GNG7: variants seen among roughly 807,000 people sequenced by gnomAD.
GNG7 encodes the protein G protein subunit gamma 7.
In GNG7, 1 loss-of-function variant was observed where a neutral mutation model predicts 4.0. The ratio of observed to expected loss-of-function variants is 0.25; its 90% CI spans 0.09 to 1.18. The LOEUF (loss-of-function observed/expected upper bound fraction) is 1.18, where lower values mean the gene tolerates loss of function less well. Ranked by LOEUF, GNG7 falls within the 50% of genes most tolerant of loss-of-function variation. The pLI is 0.50. For synonymous variants in GNG7, 34 were observed against 36.9 expected (o/e 0.92, Z 0.29); for missense variants, 86 against 91.9 (o/e 0.94, Z 0.26).
At chr19:2,643,352 AC>A (rs1982571465) in intron 2 of GNG7, 1 of 431,474 alleles carries the variant, frequency 2.3e-6, no homozygotes, top group Non-Finnish European at 4.6e-6. Context: ...CTCCGTCGGC[AC>A]CGGAAATGCA....
intron 3 of GNG7, among the ~76,000 whole-genome samples, chr19:2,541,920 A>T (rs1162172659): frequency 6.6e-6 from 1 of 151,744 alleles, no homozygotes; most frequent in African/African-American, 2.4e-5. Flanking sequence ...GTCTCAAGAA[A>T]ATAAAAATAA....
In GNG7 at chr19:2,617,539, G is replaced by A. The variant is rs140288741; in HGVS notation, c.-78+28685C>T. On this transcript the variant is annotated intron_variant, in intron 2 of 4. Coordinates refer to ENST00000382159, the MANE Select transcript of GNG7 (RefSeq NM_052847.3). This position sits in a 1 kb window ranked among gnomAD's most constrained non-coding sequence, Gnocchi z 4.7. ...AAAGACCTGGCCTGGGTCCCCTCCC[G>A]TGGCTCCCAGACCTCCGCTTCCAGG... is the stretch of plus-strand genomic sequence containing the variant. Among the ~76,000 whole-genome samples, 541 of 152,044 alleles carry A rather than the reference G, an allele frequency of 3.6e-3. 4 individuals are homozygous for A. Among genetic ancestry groups the A allele is most frequent in the African/African-American group, 0.012 (510 of 41,462 alleles).
At chr19:2,528,409 A>G (rs933538622) in intron 3 of GNG7, among the ~76,000 whole-genome samples, 3 of 124,726 alleles carry the variant, frequency 2.4e-5, no homozygotes, top group African/African-American at 1.3e-4. Flanking sequence ...TGTCTCTACT[A>G]AAAAAAAAAA....
chr19:2,628,535 A>G (rs1982076355), intron 2 of GNG7, among the ~76,000 whole-genome samples: 1 of 150,794 alleles, frequency 6.6e-6, no homozygotes, highest in Non-Finnish European at 1.5e-5. Context: ...GTATATATAT[A>G]TATAACATAA....
At chr19:2,593,380 A>C (rs907268169) in intron 2 of GNG7, among the ~76,000 whole-genome samples, 6 of 152,172 alleles carry the variant, frequency 3.9e-5, no homozygotes, top group African/African-American at 1.4e-4. Context: ...GTATTGAGTC[A>C]ATTTTTGTTT....
intron 2 of GNG7, among the ~76,000 whole-genome samples, chr19:2,604,991 CAATGGAAATG>C (rs1458000636): frequency 1.3e-5 from 2 of 152,150 alleles, no homozygotes; most frequent in Non-Finnish European, 2.9e-5. Context: ...TGGCTTAAAA[CAATGGAAATG>C]GATTCTCTAT....
chr19:2,517,292 C>G (rs1568228879), intron 4 of GNG7, among the ~76,000 whole-genome samples: 1 of 152,134 alleles, frequency 6.6e-6, no homozygotes, highest in Non-Finnish European at 1.5e-5. Flanking sequence ...ATTCTCCCGC[C>G]TCAGCTGGGA....
intron 3 of GNG7, among the ~76,000 whole-genome samples, chr19:2,550,617 T>A (rs2144756722): frequency 6.6e-6 from 1 of 152,234 alleles, no homozygotes; most frequent in East Asian, 1.9e-4. Flanking sequence ...GAGGGGCTTG[T>A]GCAGATGAGC....
At chr19:2,516,124 G>A (rs1462618755) in intron 4 of GNG7, among the ~76,000 whole-genome samples, 1 of 151,940 alleles carries the variant, frequency 6.6e-6, no homozygotes, top group Non-Finnish European at 1.5e-5. Context: ...GGCTGAGGCT[G>A]GAGGATTGCT....
intron 1 of GNG7, among the ~76,000 whole-genome samples, chr19:2,672,050 C>A (rs867909299): frequency 5.0e-3 from 435 of 87,154 alleles, no homozygotes; most frequent in Non-Finnish European, 5.3e-3. Flanking sequence ...GACTCCGTCT[C>A]AAAAAAAAAA....
At chr19:2,583,230 T>TCC in intron 2 of GNG7, among the ~76,000 whole-genome samples, 1 of 152,322 alleles carries the variant, frequency 6.6e-6, no homozygotes, top group South Asian at 2.1e-4. Context: ...CAAATCTCCC[T>TCC]CTGGAAAACT....
chr19:2,668,746 C>T (rs976206685), intron 1 of GNG7, among the ~76,000 whole-genome samples: 7 of 152,084 alleles, frequency 4.6e-5, no homozygotes, highest in East Asian at 1.9e-4. Flanking sequence ...GATAATATGC[C>T]GTGACATCCT....
chr19:2,617,216 C>T lies in GNG7; in HGVS notation c.-78+29008G>A, dbSNP rs906653541. 1.4e-4 allele frequency among the ~76,000 whole-genome samples: 21 copies of T among 152,160 alleles called. No homozygotes were observed. The highest frequency in any genetic ancestry group is 7.9e-4 in the Admixed American group (12 of 15,266). Reference sequence around the variant, plus strand: ...ACTCCATGCCAGGAGCATCTCCAGTCGTGACAACCACAGATGTCCCCAGAT... The same window carrying T: ...ACTCCATGCCAGGAGCATCTCCAGTTGTGACAACCACAGATGTCCCCAGAT... On this transcript the variant is annotated intron_variant, in intron 2 of 4. Coordinates refer to ENST00000382159, the MANE Select transcript of GNG7 (RefSeq NM_052847.3). This position sits in a 1 kb window ranked among gnomAD's most constrained non-coding sequence, Gnocchi z 4.7.
intron 2 of GNG7, among the ~76,000 whole-genome samples, chr19:2,602,379 G>A (rs1018950366): frequency 6.6e-6 from 1 of 152,216 alleles, no homozygotes; most frequent in Non-Finnish European, 1.5e-5. Flanking sequence ...TGGGCTGCGG[G>A]CTGCGTCCTC....
intron 1 of GNG7, among the ~76,000 whole-genome samples, chr19:2,660,124 T>C (rs1983109245): frequency 6.6e-6 from 1 of 152,174 alleles, no homozygotes; most frequent in Non-Finnish European, 1.5e-5. Flanking sequence ...TCACAGAACC[T>C]GCCATCCGTG....
chr19:2,553,743 T>C (rs1004453133), intron 3 of GNG7, among the ~76,000 whole-genome samples: 5 of 148,946 alleles, frequency 3.4e-5, no homozygotes, highest in Non-Finnish European at 7.4e-5. Context: ...TTACATGCAA[T>C]ATATTACATA....
At chr19:2,524,743 C>A (rs1978339006) in intron 3 of GNG7, among the ~76,000 whole-genome samples, 1 of 152,158 alleles carries the variant, frequency 6.6e-6, no homozygotes, top group Non-Finnish European at 1.5e-5. Context: ...TGTGTATGTG[C>A]ACGTGTGTGG....
At chr19:2,641,287 G>A (rs1185956135) in intron 2 of GNG7, among the ~76,000 whole-genome samples, 1 of 152,176 alleles carries the variant, frequency 6.6e-6, no homozygotes, top group Non-Finnish European at 1.5e-5. Flanking sequence ...AGGAACAGCA[G>A]GCTCCCAGCG....
intron 2 of GNG7, among the ~76,000 whole-genome samples, chr19:2,563,619 C>T (rs567489496): frequency 1.3e-5 from 2 of 152,142 alleles, no homozygotes; most frequent in Non-Finnish European, 2.9e-5. Flanking sequence ...GTAGTTGGAA[C>T]TACGGGTGTG....
Sources: gnomAD v4.1 joint callset for allele counts (sites outside exome capture counted in the v4.1 genomes callset) on GRCh38, gnomAD v4.1.1 for gene constraint, Gnocchi (gnomAD v3.1) non-coding constraint, MANE v1.5 for transcripts, NCBI Gene and HGNC (gene_info 2026-07-23, HGNC 2026-07-21) for gene names.